Variants in LINGO2 observed in about 807,000 individuals in gnomAD.
LINGO2 encodes the protein leucine rich repeat and Ig domain containing 2.
In LINGO2, 14 loss-of-function variants were observed where a neutral mutation model predicts 30.6. The ratio of observed to expected loss-of-function variants is 0.46; its 90% CI spans 0.30 to 0.72. The LOEUF (loss-of-function observed/expected upper bound fraction) is 0.72, where lower values mean the gene tolerates loss of function less well. Among genes scored for constraint, LINGO2 ranks in the 30% least tolerant of loss-of-function variants. The probability of loss-of-function intolerance (pLI) is 0.07; values close to 1 mark genes in which losing one functional copy is unlikely to be tolerated. For missense variants in LINGO2, 729 were observed against 751.7 expected (o/e 0.97, Z 0.35); for synonymous variants, 317 against 288.5 (o/e 1.10, Z -1.00).
At chr9:28,976,314 C>G in the LINGO2 span, among the ~76,000 whole-genome samples, 1 of 152,126 alleles carries the variant, frequency 6.6e-6, no homozygotes, top group East Asian at 1.9e-4. Context: ...CTATACTTTT[C>G]TCTTTGTGCC....
the LINGO2 span, among the ~76,000 whole-genome samples, chr9:28,850,325 G>A: frequency 6.6e-6 from 1 of 151,888 alleles, no homozygotes; most frequent in African/African-American, 2.4e-5. Flanking sequence ...ATATTCAGAC[G>A]GAGAGATATA....
the LINGO2 span, among the ~76,000 whole-genome samples, chr9:28,838,889 C>T: frequency 0.79 from 120,275 of 152,136 alleles, 47,609 homozygotes; most frequent in East Asian, 0.89. Context: ...AAGCATGGGA[C>T]CCAGCCACTG....
intron 4 of LINGO2, among the ~76,000 whole-genome samples, chr9:28,259,470 T>C (rs982303215): frequency 4.0e-5 from 6 of 151,892 alleles, no homozygotes; most frequent in African/African-American, 1.4e-4. Context: ...TTGATTTTAC[T>C]TGCCGATAGC....
At chr9:28,388,351 T>C (rs1275478242) in intron 2 of LINGO2, among the ~76,000 whole-genome samples, 1 of 152,200 alleles carries the variant, frequency 6.6e-6, no homozygotes, top group Non-Finnish European at 1.5e-5. Flanking sequence ...TATTTTGCTA[T>C]TGTAAACATT....
At chr9:28,477,662 T>C (rs921714675) in intron 1 of LINGO2, among the ~76,000 whole-genome samples, 3 of 152,180 alleles carry the variant, frequency 2.0e-5, no homozygotes, top group African/African-American at 4.8e-5. Flanking sequence ...AATACTCCAA[T>C]TGAAGCTACC....
intron 1 of LINGO2, among the ~76,000 whole-genome samples, chr9:28,645,966 A>G (rs994780441): frequency 2.0e-5 from 3 of 152,064 alleles, no homozygotes; most frequent in Non-Finnish European, 4.4e-5. Flanking sequence ...TTAACTATTT[A>G]CCTAAGTTTC....
intron 4 of LINGO2, among the ~76,000 whole-genome samples, chr9:28,231,621 C>T (rs909159326): frequency 6.6e-6 from 1 of 152,024 alleles, no homozygotes; most frequent in African/African-American, 2.4e-5. Context: ...CACTCTCTTC[C>T]CTAATGGGTT....
At chr9:29,212,352 G>C in the LINGO2 span, among the ~76,000 whole-genome samples, 1 of 151,814 alleles carries the variant, frequency 6.6e-6, no homozygotes, top group Non-Finnish European at 1.5e-5. Flanking sequence ...GCGCCCGCTG[G>C]GAGCCTCTAG....
intron 1 of LINGO2, among the ~76,000 whole-genome samples, chr9:28,505,656 T>C (rs62557824): frequency 1.6e-4 from 25 of 151,886 alleles, no homozygotes; most frequent in South Asian, 4.1e-4. Flanking sequence ...AAATAGTGCA[T>C]TTACCTTTTC....
chr9:29,201,775 T>A, the LINGO2 span, among the ~76,000 whole-genome samples: 2 of 152,020 alleles, frequency 1.3e-5, no homozygotes, highest in Admixed American at 1.3e-4. Flanking sequence ...CACACAAATT[T>A]ATTTTACACC....
At chr9:28,218,207 A>G (rs1820836202) in intron 4 of LINGO2, among the ~76,000 whole-genome samples, 1 of 150,828 alleles carries the variant, frequency 6.6e-6, no homozygotes, top group Non-Finnish European at 1.5e-5. Flanking sequence ...ATAATATCAA[A>G]CAATAATATA....
At chr9:28,926,342 C>A in the LINGO2 span, among the ~76,000 whole-genome samples, 1 of 151,978 alleles carries the variant, frequency 6.6e-6, no homozygotes, top group Non-Finnish European at 1.5e-5. Context: ...AAAAAAGAAA[C>A]CATTCGCTTC....
At chr9:28,042,692 C>T (rs773566135) in intron 4 of LINGO2, among the ~76,000 whole-genome samples, 7 of 152,140 alleles carry the variant, frequency 4.6e-5, no homozygotes, top group Non-Finnish European at 8.8e-5. Flanking sequence ...TTCAGACTCC[C>T]ACTATAATCA....
At chr9:28,141,898 C>T (rs1351427805) in intron 4 of LINGO2, among the ~76,000 whole-genome samples, 6 of 152,110 alleles carry the variant, frequency 3.9e-5, no homozygotes, top group South Asian at 2.1e-4. Context: ...GGTGACAGGG[C>T]GAGACTCCAT....
the LINGO2 span, among the ~76,000 whole-genome samples, chr9:28,855,443 T>C: frequency 6.6e-6 from 1 of 151,996 alleles, no homozygotes; most frequent in Non-Finnish European, 1.5e-5. Flanking sequence ...TATGTCTAGA[T>C]CTTAGTCTTT....
At chr9:28,478,902 A>C (rs1360356921) in intron 1 of LINGO2, among the ~76,000 whole-genome samples, 1 of 152,192 alleles carries the variant, frequency 6.6e-6, no homozygotes, top group South Asian at 2.1e-4. Flanking sequence ...CCAATATTTG[A>C]GCTAACTTCT....
At chr9:29,205,261 G>A in the LINGO2 span, among the ~76,000 whole-genome samples, 16 of 152,100 alleles carry the variant, frequency 1.1e-4, no homozygotes, top group African/African-American at 2.9e-4. Flanking sequence ...GGATGGTCTC[G>A]ATCTCTTGAC....
At chr9:28,901,901 C>T in the LINGO2 span, among the ~76,000 whole-genome samples, 1 of 151,920 alleles carries the variant, frequency 6.6e-6, no homozygotes, top group African/African-American at 2.4e-5. Flanking sequence ...AATAAAAAGA[C>T]ATAGATTGAC....
At chr9:28,505,417 T>C (rs1820068574) in intron 1 of LINGO2, among the ~76,000 whole-genome samples, 1 of 151,924 alleles carries the variant, frequency 6.6e-6, no homozygotes, top group Non-Finnish European at 1.5e-5. Flanking sequence ...CTAACAAATT[T>C]GTTGGATATT....
Sources: gnomAD v4.1 joint callset for allele counts (sites outside exome capture counted in the v4.1 genomes callset) on GRCh38, gnomAD v4.1.1 for gene constraint, MANE v1.5 for transcripts, NCBI Gene and HGNC (gene_info 2026-07-23, HGNC 2026-07-21) for gene names.